The following ERC1 variants were observed in gnomAD, a reference collection of about 807,000 sequenced individuals.
ERC1 encodes the protein RAB6 interacting protein 2.
In ERC1, 56 loss-of-function variants were observed where a neutral mutation model predicts 132.0. That is an observed-to-expected ratio of 0.42 (90% CI 0.34 to 0.53). The LOEUF (loss-of-function observed/expected upper bound fraction) is 0.53, where lower values mean the gene tolerates loss of function less well. Among genes scored for constraint, ERC1 ranks in the 20% least tolerant of loss-of-function variants. ERC1 has a pLI of 0.03. For synonymous variants in ERC1, 478 were observed against 476.1 expected (o/e 1.00, Z -0.05); for missense variants, 1,202 against 1,349.9 (o/e 0.89, Z 1.72).
At chr12:1,261,131 ATT>A (rs2077117759) in intron 13 of ERC1, among the ~76,000 whole-genome samples, 1 of 152,158 alleles carries the variant, frequency 6.6e-6, no homozygotes, top group Non-Finnish European at 1.5e-5. Context: ...CCACAAAGCT[ATT>A]TTTGCCCCAC....
At chr12:1,403,198 T>G (rs1460809624) in intron 16 of ERC1, among the ~76,000 whole-genome samples, 1 of 152,212 alleles carries the variant, frequency 6.6e-6, no homozygotes, top group Admixed American at 6.5e-5. Flanking sequence ...TCTTCCTTCT[T>G]CCCTTCTTCC....
At chr12:1,287,504 C>T (rs192755851) in intron 14 of ERC1, among the ~76,000 whole-genome samples, 58 of 152,224 alleles carry the variant, frequency 3.8e-4, no homozygotes, top group African/African-American at 1.2e-3. Context: ...GATTGCCCTC[C>T]CTGATGTGGG....
intron 14 of ERC1, among the ~76,000 whole-genome samples, chr12:1,269,728 G>A (rs111738767): frequency 9.2e-5 from 14 of 152,246 alleles, no homozygotes; most frequent in African/African-American, 3.4e-4. Context: ...TTCCCAAAAG[G>A]CACATGGGCA....
chr12:1,082,421 T>C (rs1365929874), intron 2 of ERC1, among the ~76,000 whole-genome samples: 2 of 150,794 alleles, frequency 1.3e-5, no homozygotes, highest in Non-Finnish European at 2.9e-5. Flanking sequence ...CCCAAAGTGC[T>C]GGGATTATAG....
At chr12:1,352,377 A>G (rs1442881175) in intron 15 of ERC1, among the ~76,000 whole-genome samples, 1 of 152,234 alleles carries the variant, frequency 6.6e-6, no homozygotes, top group Non-Finnish European at 1.5e-5. Context: ...ACACTGGGAA[A>G]GGCAGCATGT....
chr12:1,195,944 A>G (rs1275575190), intron 12 of ERC1, among the ~76,000 whole-genome samples: 1 of 144,514 alleles, frequency 6.9e-6, no homozygotes, highest in Non-Finnish European at 1.5e-5. Flanking sequence ...TGGTAAGTCA[A>G]ATAAGGATCA....
intron 13 of ERC1, among the ~76,000 whole-genome samples, chr12:1,237,664 C>A (rs893882992): frequency 6.6e-6 from 1 of 152,216 alleles, no homozygotes; most frequent in African/African-American, 2.4e-5. Flanking sequence ...TAAATGCACA[C>A]AGCTTCTAAA....
chr12:1,368,295 AAG>A (rs1189332954), intron 15 of ERC1, among the ~76,000 whole-genome samples: 1 of 152,198 alleles, frequency 6.6e-6, no homozygotes, highest in Non-Finnish European at 1.5e-5. Context: ...AGTTATAAAA[AAG>A]AATTACTTCT....
rs185810691 is a variant in ERC1, at chr12:1,407,447, G to A, written c.2926-702G>A. 7.7e-4 allele frequency among the ~76,000 whole-genome samples: 117 copies of A among 152,066 alleles called. 1 individual carries two copies. The highest frequency in any genetic ancestry group is 2.3e-3 in the Admixed American group (35 of 15,292). ...TGCACCTGTAGTCCCAGCTGCTCGG[G>A]AAACTGAGGCCAGAGGATGGCTTGA... On this transcript the variant is annotated intron_variant, in intron 16 of 18. Coordinates refer to ENST00000360905, the MANE Select transcript of ERC1 (RefSeq NM_178040.4).
rs546016556 is a variant in ERC1, at chr12:1,440,340, G to A, written c.3025-4222G>A. ...CTGCCTCAGCCTCCCGAGTAGCTGGGACTACAGACGCCCGCCACCACGCCC... is the reference window on the plus strand; with the variant it reads ...CTGCCTCAGCCTCCCGAGTAGCTGGAACTACAGACGCCCGCCACCACGCCC... On this transcript the variant is annotated intron_variant, in intron 17 of 18. Transcript: ENST00000360905. 5.5e-4 allele frequency among the ~76,000 whole-genome samples: 82 copies of A among 148,808 alleles called. 1 individual carries two copies. The highest frequency in any genetic ancestry group is 2.1e-4 in the South Asian group (1 of 4,720).
intron 14 of ERC1, among the ~76,000 whole-genome samples, chr12:1,266,742 C>T (rs995588934): frequency 2.6e-5 from 4 of 152,096 alleles, no homozygotes; most frequent in Admixed American, 1.3e-4. Flanking sequence ...ATTAATTTTA[C>T]TTATGTACGT....
At chr12:1,095,825 G>C (rs1339805534) in intron 3 of ERC1, among the ~76,000 whole-genome samples, 1 of 152,134 alleles carries the variant, frequency 6.6e-6, no homozygotes, top group African/African-American at 2.4e-5. Flanking sequence ...GCTTCTGAAT[G>C]GGAGTTTGTT....
chr12:1,271,371 T>TAAA (rs2077841985), intron 14 of ERC1, among the ~76,000 whole-genome samples: 1 of 152,072 alleles, frequency 6.6e-6, no homozygotes, highest in African/African-American at 2.4e-5. Flanking sequence ...CATGTATGGA[T>TAAA]AAAGGATAGA....
chr12:1,275,824 G>T, intron 14 of ERC1, among the ~76,000 whole-genome samples: 1 of 152,200 alleles, frequency 6.6e-6, no homozygotes, highest in Non-Finnish European at 1.5e-5. Flanking sequence ...GCCCGCATCT[G>T]CTTCTGGTGA....
At chr12:1,423,690 A>G (rs992593357) in intron 17 of ERC1, among the ~76,000 whole-genome samples, 2 of 152,194 alleles carry the variant, frequency 1.3e-5, no homozygotes, top group African/African-American at 4.8e-5. Context: ...ATCTCCAACA[A>G]AAATCGGAGA....
intron 15 of ERC1, among the ~76,000 whole-genome samples, chr12:1,369,066 A>T (rs1055183295): frequency 6.6e-6 from 1 of 152,216 alleles, no homozygotes; most frequent in Admixed American, 6.5e-5. Flanking sequence ...AGTAAAAAAA[A>T]TAGCATCAAT....
In ERC1 at chr12:1,027,814, A is replaced by T. The variant is rs562907468; in HGVS notation, c.-90A>T. The T allele has an allele frequency of 2.5e-6, 3 of 1,193,336 alleles. No individual in the cohort carries two copies. The African/African-American group carries it at 4.6e-5, about 18-fold the overall frequency. The allele number at this position is 1,193,336 out of a possible 1,614,324, so 73.9% of individuals were successfully genotyped here. ...CCTTCTTCTGATTAACCTTAAACCA[A>T]CTTGTAGCCATAGAGACACCTCACA... On this transcript the variant is annotated 5_prime_UTR_variant, in exon 2 of 19. Transcript: ENST00000360905.
chr12:1,070,589 T>G (rs1940162545), intron 2 of ERC1, among the ~76,000 whole-genome samples: 1 of 152,168 alleles, frequency 6.6e-6, no homozygotes, highest in Admixed American at 6.6e-5. Context: ...CCTGGTCTAC[T>G]CTTCCTTCTT....
At chr12:1,208,495 G>A (rs576440632) in intron 12 of ERC1, among the ~76,000 whole-genome samples, 2 of 152,150 alleles carry the variant, frequency 1.3e-5, no homozygotes, top group Non-Finnish European at 1.5e-5. Context: ...ATGTGTTTGT[G>A]ACATCTAGAG....
Sources: gnomAD v4.1 joint callset for allele counts (sites outside exome capture counted in the v4.1 genomes callset) on GRCh38, gnomAD v4.1.1 for gene constraint, MANE v1.5 for transcripts, NCBI Gene and HGNC (gene_info 2026-07-23, HGNC 2026-07-21) for gene names.